The following ZMYM2 variants were observed in gnomAD, a reference collection of about 807,000 sequenced individuals.
ZMYM2 encodes zinc finger MYM-type containing 2.
ZMYM2 carries 56 observed loss-of-function variants against 162.8 expected under a neutral mutation model. The observed-to-expected ratio is 0.34, with a 90% CI of 0.28 to 0.43. The LOEUF (loss-of-function observed/expected upper bound fraction) is 0.43, where lower values mean the gene tolerates loss of function less well. Ranked by LOEUF, ZMYM2 falls within the 20% of genes least tolerant of loss-of-function variation. The pLI, the probability that ZMYM2 is intolerant of heterozygous loss-of-function variation, is 1.00. For missense variants in ZMYM2, 1,275 were observed against 1,621.8 expected (o/e 0.79, Z 3.67); for synonymous variants, 510 against 541.6 (o/e 0.94, Z 0.81).
At chr13:19,942,769 T>C in the ZMYM2 span, among the ~76,000 whole-genome samples, 7 of 152,146 alleles carry the variant, frequency 4.6e-5, no homozygotes, top group Admixed American at 1.3e-4. Context: ...TTTAATGAAA[T>C]TTTATTTTTG....
At chr13:20,013,399 A>G (rs1566295845) in intron 6 of ZMYM2, among the ~76,000 whole-genome samples, 1 of 152,108 alleles carries the variant, frequency 6.6e-6, no homozygotes, top group Non-Finnish European at 1.5e-5. Context: ...GTGAATAGAG[A>G]TAGTTCTACT....
chr13:20,021,531 T>C (rs1489219643), intron 7 of ZMYM2, among the ~76,000 whole-genome samples: 2 of 152,170 alleles, frequency 1.3e-5, no homozygotes, highest in Non-Finnish European at 2.9e-5. Flanking sequence ...TTGGATCCTT[T>C]TGAGGCTTGC....
intron 14 of ZMYM2, among the ~76,000 whole-genome samples, chr13:20,054,114 C>T (rs1001668259): frequency 1.3e-5 from 2 of 152,218 alleles, no homozygotes; most frequent in African/African-American, 4.8e-5. Context: ...AAAGTCCTCT[C>T]CCATCTTTTC....
At chr13:19,964,802 TTAAAAATTTATCCA>T (rs1417112336) in intron 2 of ZMYM2, among the ~76,000 whole-genome samples, 7 of 152,164 alleles carry the variant, frequency 4.6e-5, no homozygotes, top group Non-Finnish European at 1.0e-4. Flanking sequence ...TAAAGAGTTT[TTAAAAATTTATCCA>T]TAAAAATGTT....
the ZMYM2 span, among the ~76,000 whole-genome samples, chr13:19,925,927 C>T: frequency 2.0e-5 from 3 of 150,504 alleles, no homozygotes; most frequent in East Asian, 2.0e-4. Context: ...ATTTTATTCT[C>T]ATCTATTTTC....
chr13:20,031,174 A>G (rs1443472324), intron 9 of ZMYM2, 145 bp from the exon 10 acceptor site: 1 of 505,964 alleles, frequency 2.0e-6, no homozygotes, highest in African/African-American at 2.0e-5. Context: ...TTTAAGGACA[A>G]AATTTGGAAA....
intron 19 of ZMYM2, among the ~76,000 whole-genome samples, chr13:20,065,184 A>C (rs1471488789): frequency 6.6e-6 from 1 of 152,180 alleles, no homozygotes; most frequent in Non-Finnish European, 1.5e-5. Context: ...AAAATACCTT[A>C]AGAAAGATAG....
chr13:19,912,015 G>A, the ZMYM2 span, among the ~76,000 whole-genome samples: 2 of 152,220 alleles, frequency 1.3e-5, no homozygotes, highest in East Asian at 3.9e-4. Flanking sequence ...CTTGGAGAAT[G>A]ACCATGGGTT....
intron 2 of ZMYM2, among the ~76,000 whole-genome samples, chr13:19,980,829 C>G (rs1293416494): frequency 7.0e-6 from 1 of 142,916 alleles, no homozygotes; most frequent in Admixed American, 7.1e-5. Context: ...TTCAGTTTAT[C>G]TAATTAAAAA....
At chr13:20,049,999 C>T (rs1955171269) in intron 12 of ZMYM2, among the ~76,000 whole-genome samples, 2 of 151,896 alleles carry the variant, frequency 1.3e-5, no homozygotes, top group African/African-American at 2.4e-5. Context: ...AACAGTCTCG[C>T]TGGTGAGAAT....
At chr13:19,991,234 C>T (rs1949597320) in intron 2 of ZMYM2, among the ~76,000 whole-genome samples, 1 of 152,044 alleles carries the variant, frequency 6.6e-6, no homozygotes, top group Admixed American at 6.6e-5. Flanking sequence ...CTGCCTCAGC[C>T]TCCTAAGTAG....
chr13:19,930,932 G>A, the ZMYM2 span, among the ~76,000 whole-genome samples: 5 of 150,974 alleles, frequency 3.3e-5, no homozygotes, highest in African/African-American at 4.9e-5. Context: ...GAGGTCAGGA[G>A]ATCGAGACCA....
chr13:19,957,404 A>G (rs1215010084), upstream of ZMYM2, among the ~76,000 whole-genome samples: 2 of 152,262 alleles, frequency 1.3e-5, no homozygotes, highest in Admixed American at 1.3e-4. Context: ...AATCCCACTA[A>G]GAACCGCCAG....
chr13:20,061,680 C>T (rs1219955686), intron 17 of ZMYM2, among the ~76,000 whole-genome samples: 1 of 151,932 alleles, frequency 6.6e-6, no homozygotes, highest in Non-Finnish European at 1.5e-5. Context: ...TCTCTGCCTC[C>T]TGGGTTCAAG....
chr13:20,051,285 AT>A, intron 12 of ZMYM2, 147 bp from the exon 13 acceptor site: 1 of 401,194 alleles, frequency 2.5e-6, no homozygotes, highest in Non-Finnish European at 3.8e-6. Flanking sequence ...TTTATTGTAG[AT>A]TTTACTGTTT....
intron 21 of ZMYM2, among the ~76,000 whole-genome samples, chr13:20,076,341 C>T (rs1395970877): frequency 6.6e-6 from 1 of 150,498 alleles, no homozygotes; most frequent in Non-Finnish European, 1.5e-5. Context: ...CCACACAAAT[C>T]TTCTATAATT....
the ZMYM2 span, among the ~76,000 whole-genome samples, chr13:19,939,974 G>C: frequency 6.6e-6 from 1 of 152,128 alleles, no homozygotes; most frequent in African/African-American, 2.4e-5. Context: ...GTACCGATCT[G>C]GAACAATGTC....
intron 14 of ZMYM2, among the ~76,000 whole-genome samples, chr13:20,054,780 C>T (rs1414486458): frequency 6.6e-6 from 1 of 152,170 alleles, no homozygotes; most frequent in African/African-American, 2.4e-5. Context: ...GACTTTAGAT[C>T]CTCTCTTCTG....
At chr13:19,918,936 A>T in the ZMYM2 span, among the ~76,000 whole-genome samples, 1 of 152,166 alleles carries the variant, frequency 6.6e-6, no homozygotes. Context: ...GATTAATGTA[A>T]CCAGTGCAGC....
Sources: gnomAD v4.1 joint callset for allele counts (sites outside exome capture counted in the v4.1 genomes callset) on GRCh38, gnomAD v4.1.1 for gene constraint, MANE v1.5 for transcripts, NCBI Gene and HGNC (gene_info 2026-07-23, HGNC 2026-07-21) for gene names.